Variants in VIPR1 observed in about 807,000 individuals in gnomAD.
VIPR1 encodes vasoactive intestinal polypeptide receptor 1.
Under a neutral mutation model 58.8 loss-of-function variants are expected in VIPR1, and 59 were observed. The ratio of observed to expected loss-of-function variants is 1.00; its 90% CI spans 0.81 to 1.25. VIPR1 has a LOEUF of 1.25. Ranked by LOEUF, VIPR1 falls within the 50% of genes most tolerant of loss-of-function variation. VIPR1 has a pLI of 0.00. For missense variants in VIPR1, 626 were observed against 602.7 expected (o/e 1.04, Z -0.40); for synonymous variants, 251 against 242.1 (o/e 1.04, Z -0.34).
intron 3 of VIPR1, among the ~76,000 whole-genome samples, chr3:42,522,341 T>A (rs149982502): frequency 0.084 from 12,743 of 151,740 alleles, 550 homozygotes; most frequent in African/African-American, 0.099. Flanking sequence ...TCTCCTGACC[T>A]TGTGATCCAC....
At chr3:42,490,456 G>A (rs1272242661) in intron 1 of VIPR1, among the ~76,000 whole-genome samples, 1 of 152,216 alleles carries the variant, frequency 6.6e-6, no homozygotes, top group Non-Finnish European at 1.5e-5. Flanking sequence ...AGGCGAGAGA[G>A]GCGTGCATAG....
chr3:42,531,381 T>TC, intron 7 of VIPR1, 90 bp from the exon 8 acceptor site: 1 of 1,370,218 alleles, frequency 7.3e-7, no homozygotes, highest in Non-Finnish European at 1.0e-6. Flanking sequence ...TCCCTCCCTC[T>TC]CCCTGCTTTT....
At chr3:42,503,783 T>A (rs908802377) in intron 1 of VIPR1, among the ~76,000 whole-genome samples, 1 of 152,170 alleles carries the variant, frequency 6.6e-6, no homozygotes, top group African/African-American at 2.4e-5. Flanking sequence ...AAAGGTTGAT[T>A]TTCTCCCTAC....
intron 11 of VIPR1, 34 bp from the exon 12 acceptor site, chr3:42,535,309 T>C (rs1701787375): frequency 6.2e-7 from 1 of 1,613,500 alleles, no homozygotes; most frequent in Non-Finnish European, 8.5e-7. Context: ...TTCTGGTCTG[T>C]CTACCTCACC....
rs555944259 is a variant in VIPR1, at chr3:42,493,122, A to G, written c.-245+3444A>G. Among the ~76,000 whole-genome samples, 3 of 152,378 alleles carry G rather than the reference A, an allele frequency of 2.0e-5. No homozygotes were observed. In the East Asian group the frequency reaches 5.8e-4, roughly 29 times the overall value. On this transcript the variant is annotated intron_variant, in intron 1 of 13. Coordinates refer to the VIPR1 transcript ENST00000433647. ...AATAAAGACAAGCCATATTTCCTGAACCTGAGTCAATGGACTGAGATTCCA... is the reference window on the plus strand; with the variant it reads ...AATAAAGACAAGCCATATTTCCTGAGCCTGAGTCAATGGACTGAGATTCCA...
At chr3:42,532,381 C>A in intron 10 of VIPR1, 48 bp downstream of exon 10, 1 of 1,558,282 alleles carries the variant, frequency 6.4e-7, no homozygotes, top group Admixed American at 1.7e-5. Flanking sequence ...CATCCCCAGT[C>A]CTCAAATCAT....
At chr3:42,534,795 A>G in intron 10 of VIPR1, 180 bp from the exon 11 acceptor site, 1 of 730,014 alleles carries the variant, frequency 1.4e-6, no homozygotes, top group Non-Finnish European at 2.1e-6. Context: ...GGGCAGAGGC[A>G]CTGCAGCTGT....
intron 1 of VIPR1, among the ~76,000 whole-genome samples, chr3:42,496,688 G>T (rs74838307): frequency 0.043 from 6,558 of 152,196 alleles, 179 homozygotes; most frequent in South Asian, 0.11. Context: ...TATCCTCTTT[G>T]TGCCTTTTGT....
intron 5 of VIPR1, 27 bp from the exon 6 acceptor site, chr3:42,527,964 C>A (rs368134818): frequency 1.2e-6 from 2 of 1,609,452 alleles, no homozygotes; most frequent in Non-Finnish European, 8.5e-7. Context: ...GCCCCTTTGG[C>A]CTCCCAGATC....
At position 42,536,589 on chromosome 3, in the gene VIPR1, C is replaced by T. The variant is rs1232882024; in HGVS notation, c.*308C>T. 3 of 295,590 alleles carry T rather than the reference C, an allele frequency of 1.0e-5. No individual in the cohort carries two copies. Among genetic ancestry groups the T allele is most frequent in the East Asian group, 6.1e-5 (1 of 16,414 alleles). 18.3% of individuals were successfully genotyped at this position (295,590 alleles called of 1,614,324 possible). On this transcript the variant is annotated 3_prime_UTR_variant, in exon 13 of 13. Coordinates refer to ENST00000325123, the MANE Select transcript of VIPR1 (RefSeq NM_004624.4). ...CAAGGGCAAAAAGTCTACATACTTT[C>T]ATCCTGACTCTGCCCCCTGCTGGCT...
intron 9 of VIPR1, 73 bp from the exon 10 acceptor site, chr3:42,532,169 G>A (rs1701599090): frequency 1.4e-6 from 2 of 1,438,944 alleles, no homozygotes; most frequent in African/African-American, 1.4e-5. Context: ...AAGAAGACAG[G>A]CCAGCAGTCA....
At chr3:42,513,001 G>A (rs958352298) in intron 1 of VIPR1, 2 of 933,606 alleles carry the variant, frequency 2.1e-6, no homozygotes, top group African/African-American at 1.8e-5. Context: ...CCTGGCCAGG[G>A]TACAGGGAGG....
At position 42,525,980 on chromosome 3, in the gene VIPR1, C is replaced by G; in HGVS notation, c.386C>G (p.Ala129Gly). 6.2e-7 allele frequency: 1 copy of G among 1,612,410 alleles called. No individual in the cohort carries two copies. Among genetic ancestry groups the G allele is most frequent in the Non-Finnish European group, 8.5e-7 (1 of 1,179,342 alleles). The change falls in exon 4 of 13, where the codon GCG becomes GGG. Residue 129 changes from alanine (A) to glycine (G), a missense_variant. Physicochemically the swap from Ala to Gly is moderately conservative, Grantham distance 60. Transcript: ENST00000325123. ...PIACGLDDKA[A>G]SLDEQQTMFY... ...GCCTGTGGTTTGGATGACAAGGCAG[C>G]GAGTTTGGATGAGGTGGGTCTCAGG... is the stretch of plus-strand genomic sequence containing the variant.
chr3:42,525,937 C>CT lies in VIPR1; in HGVS notation c.343_344insT (p.Pro115LeufsTer12). ...CGACGAAGGCTGGACGCACCTGGAG[C>CT]CTGGCCCGTACCCCATTGCCTGTGG... On this transcript the variant is annotated frameshift_variant, in exon 4 of 13. Coordinates refer to ENST00000325123, the MANE Select transcript of VIPR1 (RefSeq NM_004624.4). LOFTEE classifies it high-confidence loss of function. 1 of 1,613,680 alleles carries CT rather than the reference C, an allele frequency of 6.2e-7. No homozygotes were observed. Among genetic ancestry groups the CT allele is most frequent in the Non-Finnish European group, 8.5e-7 (1 of 1,179,854 alleles).
chr3:42,515,983 TGTGTCTGTGGTCTGTGTTCAGGTAA>T (rs1700605429), intron 2 of VIPR1, among the ~76,000 whole-genome samples: 1 of 152,194 alleles, frequency 6.6e-6, no homozygotes, highest in South Asian at 2.1e-4. Context: ...CCCATTTGCT[TGTGTCTGTGGTCTGTGTTCAGGTAA>T]GTGTACATGT....
chr3:42,519,842 G>A (rs1700822863), intron 3 of VIPR1, among the ~76,000 whole-genome samples: 1 of 152,236 alleles, frequency 6.6e-6, no homozygotes, highest in Admixed American at 6.5e-5. Flanking sequence ...TCATTCTTTT[G>A]TGCAGTGAAT....
At chr3:42,512,937 T>G in intron 1 of VIPR1, 3 of 985,422 alleles carry the variant, frequency 3.0e-6, no homozygotes, top group Non-Finnish European at 3.6e-6. Flanking sequence ...CCCACTCACA[T>G]GTCTTCCACA....
intron 3 of VIPR1, among the ~76,000 whole-genome samples, chr3:42,521,056 G>A (rs1230384233): frequency 1.3e-5 from 2 of 152,152 alleles, no homozygotes; most frequent in East Asian, 1.9e-4. Flanking sequence ...GGAAGCACCT[G>A]CTAATTGCCT....
intron 6 of VIPR1, chr3:42,530,370 G>A (rs1425001091): frequency 5.1e-6 from 1 of 194,838 alleles, no homozygotes; most frequent in African/African-American, 2.3e-5. Context: ...GTGGGTGGAT[G>A]GATTGATAGA....
Sources: gnomAD v4.1 joint callset for allele counts (sites outside exome capture counted in the v4.1 genomes callset) on GRCh38, gnomAD v4.1.1 for gene constraint, MANE v1.5 for transcripts, NCBI Gene and HGNC (gene_info 2026-07-23, HGNC 2026-07-21) for gene names.